PHF14: variants seen among roughly 807,000 people sequenced by gnomAD.
PHF14 encodes PHD finger protein 14.
In PHF14, 55 loss-of-function variants were observed where a neutral mutation model predicts 117.9. The ratio of observed to expected loss-of-function variants is 0.47; its 90% confidence interval spans 0.38 to 0.58. The LOEUF (loss-of-function observed/expected upper bound fraction) is 0.58, where lower values mean the gene tolerates loss of function less well. Among genes scored for constraint, PHF14 ranks in the 20% least tolerant of loss-of-function variants. PHF14 has a pLI of 0.00. For missense variants in PHF14, 978 were observed against 1,122.2 expected (o/e 0.87, Z 1.84); for synonymous variants, 409 against 368.6 (o/e 1.11, Z -1.26).
chr7:11,025,021 A>G (rs976772797), intron 6 of PHF14, among the ~76,000 whole-genome samples: 1 of 152,216 alleles, frequency 6.6e-6, no homozygotes, highest in African/African-American at 2.4e-5. Context: ...TTTATGATTC[A>G]TGGGAGGAGG....
chr7:11,044,443 G>C (rs982659644), intron 13 of PHF14, among the ~76,000 whole-genome samples: 10 of 152,142 alleles, frequency 6.6e-5, no homozygotes, highest in Non-Finnish European at 1.2e-4. Flanking sequence ...TTAAGTAAAA[G>C]TAGAAGTTAA....
At chr7:11,075,564 G>GTTTTTT (rs3073111) in intron 16 of PHF14, among the ~76,000 whole-genome samples, 21 of 110,000 alleles carry the variant, frequency 1.9e-4, no homozygotes, top group Non-Finnish European at 3.5e-4. Flanking sequence ...AAGGAAAGAG[G>GTTTTTT]TTTTTTTTTT....
intron 12 of PHF14, among the ~76,000 whole-genome samples, chr7:11,042,243 G>T (rs576805434): frequency 2.0e-4 from 30 of 151,812 alleles, no homozygotes; most frequent in Non-Finnish European, 4.3e-4. Flanking sequence ...ACAACTAATG[G>T]TAGGAAATAA....
In PHF14 at chr7:11,034,955, T is replaced by C. The variant is rs546171869; in HGVS notation, c.1456-685T>C. 5.3e-5 allele frequency among the ~76,000 whole-genome samples: 8 copies of C among 152,270 alleles called. 1 individual carries two copies. Among genetic ancestry groups the C allele is most frequent in the African/African-American group, 1.7e-4 (7 of 41,554 alleles). On this transcript the variant is annotated intron_variant, in intron 7 of 17. Coordinates refer to ENST00000634607, the MANE Select transcript of PHF14 (RefSeq NM_001007157.2). ...AATGTTGTTGTTTTGCAATATTAGTTTATGCATAACTTTAATATTTAATGA... is the reference window on the plus strand; with the variant it reads ...AATGTTGTTGTTTTGCAATATTAGTCTATGCATAACTTTAATATTTAATGA...
At chr7:11,074,471 A>G (rs913040019) in intron 16 of PHF14, among the ~76,000 whole-genome samples, 1 of 152,000 alleles carries the variant, frequency 6.6e-6, no homozygotes, top group South Asian at 2.1e-4. Flanking sequence ...CAGCCTCCCA[A>G]AGTGCTGGGA....
At chr7:10,976,915 A>G (rs533668246) in intron 2 of PHF14, among the ~76,000 whole-genome samples, 1 of 150,662 alleles carries the variant, frequency 6.6e-6, no homozygotes, top group African/African-American at 2.4e-5. Flanking sequence ...TCAGGTCACA[A>G]ATTTGTATGT....
In PHF14 at chr7:11,104,977, A is replaced by G. The variant is rs1787211789; in HGVS notation, c.2655-6373A>G. ...CCCTTAGATTTCCTCTAGATAAAAG[A>G]ATTAGTAATTTCATCTGCAACACAT... On this transcript the variant is annotated intron_variant, in intron 16 of 17. Coordinates refer to ENST00000634607, the MANE Select transcript of PHF14 (RefSeq NM_001007157.2). 5 of 912,602 alleles carry G rather than the reference A, an allele frequency of 5.5e-6. No individual in the cohort carries two copies. The South Asian group carries it at 2.5e-4, about 46-fold the overall frequency. 56.5% of individuals were successfully genotyped at this position (912,602 alleles called of 1,614,324 possible). A position where few individuals can be genotyped will look rare whatever the true frequency, so the allele number is the denominator to read the frequency against.
chr7:11,096,557 G>A (rs1280327797), intron 16 of PHF14, among the ~76,000 whole-genome samples: 10 of 152,096 alleles, frequency 6.6e-5, no homozygotes, highest in Non-Finnish European at 2.9e-5. Flanking sequence ...ATTTCATATC[G>A]TATGTTGCTT....
At chr7:11,161,433 T>A (rs1157967754) in intron 17 of PHF14, among the ~76,000 whole-genome samples, 1 of 152,010 alleles carries the variant, frequency 6.6e-6, no homozygotes, top group Non-Finnish European at 1.5e-5. Flanking sequence ...TACTTGTTTT[T>A]TTATGTGTGT....
intron 17 of PHF14, among the ~76,000 whole-genome samples, chr7:11,161,255 A>G (rs1052241392): frequency 6.6e-6 from 1 of 152,158 alleles, no homozygotes; most frequent in East Asian, 1.9e-4. Context: ...TTCTCTCAAT[A>G]CAAGTTTTAA....
At chr7:11,092,448 A>T (rs117089337) in intron 16 of PHF14, among the ~76,000 whole-genome samples, 2 of 152,212 alleles carry the variant, frequency 1.3e-5, no homozygotes, top group Non-Finnish European at 1.5e-5. Flanking sequence ...CCCTTATGCT[A>T]AAGTCCTAAG....
chr7:11,101,992 A>G (rs1787109779), intron 16 of PHF14, among the ~76,000 whole-genome samples: 1 of 151,816 alleles, frequency 6.6e-6, no homozygotes, highest in Non-Finnish European at 1.5e-5. Flanking sequence ...AATCATTTGA[A>G]AATTTCTTCC....
rs1788512480 is a variant in PHF14, at chr7:11,145,251, A to G, written c.2773-24165A>G. Among the ~76,000 whole-genome samples, 3 of 149,650 alleles carry G rather than the reference A, an allele frequency of 2.0e-5. No individual in the cohort carries two copies. In the Admixed American group the frequency reaches 2.0e-4, roughly 10 times the overall value. On this transcript the variant is annotated intron_variant, in intron 17 of 17. Coordinates refer to ENST00000634607, the MANE Select transcript of PHF14 (RefSeq NM_001007157.2). The stretch of plus-strand genomic sequence containing the variant: ...GTGGTAGAAGTTTTTCCTTCATTTC[A>G]GTACTATTATAGGTGTATGTCCTCA...
At chr7:11,102,089 C>T (rs887469481) in intron 16 of PHF14, among the ~76,000 whole-genome samples, 2 of 151,492 alleles carry the variant, frequency 1.3e-5, no homozygotes, top group Non-Finnish European at 3.0e-5. Context: ...TTTTCTCAAG[C>T]GATGTTAAAT....
chr7:11,077,457 C>T (rs1421952869), intron 16 of PHF14, among the ~76,000 whole-genome samples: 3 of 151,780 alleles, frequency 2.0e-5, no homozygotes, highest in African/African-American at 4.8e-5. Context: ...AAAAATTAGC[C>T]GGGTGTGGTG....
chr7:11,153,252 A>G (rs1478034618), intron 17 of PHF14, among the ~76,000 whole-genome samples: 7 of 152,186 alleles, frequency 4.6e-5, no homozygotes, highest in Non-Finnish European at 1.0e-4. Flanking sequence ...CACTAGACAG[A>G]TTTTAGATAC....
At chr7:11,097,023 C>T (rs550328010) in intron 16 of PHF14, among the ~76,000 whole-genome samples, 8 of 148,018 alleles carry the variant, frequency 5.4e-5, no homozygotes, top group Non-Finnish European at 1.2e-4. Flanking sequence ...CTTGTTGCCC[C>T]GGCTGGAGTG....
chr7:11,134,558 A>C (rs1788165708), intron 17 of PHF14, among the ~76,000 whole-genome samples: 2 of 151,986 alleles, frequency 1.3e-5, no homozygotes, highest in African/African-American at 2.4e-5. Flanking sequence ...CAAGCGCTTT[A>C]TTTTACAGAT....
chr7:11,153,939 C>CTGTGTG (rs975709011), intron 17 of PHF14, among the ~76,000 whole-genome samples: 4 of 138,420 alleles, frequency 2.9e-5, no homozygotes, highest in African/African-American at 1.1e-4. Flanking sequence ...TGGTCCCTGT[C>CTGTGTG]TGTGTGTGCG....
Sources: gnomAD v4.1 joint callset for allele counts (sites outside exome capture counted in the v4.1 genomes callset) on GRCh38, gnomAD v4.1.1 for gene constraint, MANE v1.5 for transcripts, NCBI Gene and HGNC (gene_info 2026-07-23, HGNC 2026-07-21) for gene names.